The following SLIT2 variants were observed in gnomAD, a reference collection of about 807,000 sequenced individuals.
SLIT2 encodes the protein slit homolog 2 protein.
A neutral mutation model predicts 185.7 loss-of-function variants in SLIT2; 41 were observed. The ratio of observed to expected loss-of-function variants is 0.22; its 90% CI spans 0.17 to 0.29. SLIT2 has a LOEUF of 0.29. Among genes scored for constraint, SLIT2 ranks in the 10% least tolerant of loss-of-function variants. The pLI is 1.00. For synonymous variants in SLIT2, 693 were observed against 680.2 expected (o/e 1.02, Z -0.29); for missense variants, 1,571 against 1,909.0 (o/e 0.82, Z 3.30).
At chr4:20,459,863 A>ATT (rs200920585) in intron 4 of SLIT2, among the ~76,000 whole-genome samples, 21,021 of 138,806 alleles carry the variant, frequency 0.15, 1,852 homozygotes, top group African/African-American at 0.23. Flanking sequence ...CATGTTTGGA[A>ATT]TTTTTTTTTT....
intron 9 of SLIT2, among the ~76,000 whole-genome samples, chr4:20,509,070 A>G (rs1319758454): frequency 1.3e-5 from 2 of 151,912 alleles, no homozygotes; most frequent in African/African-American, 4.8e-5. Flanking sequence ...CCAACGTTCA[A>G]TAAAAATGAA....
At chr4:20,533,460 G>C in intron 17 of SLIT2, 112 bp from the exon 18 acceptor site, 1 of 721,392 alleles carries the variant, frequency 1.4e-6, no homozygotes, top group Non-Finnish European at 2.4e-6. Flanking sequence ...GGCAGTGCTG[G>C]GCAGTGAAAA....
rs184287662 is a variant in SLIT2 at position 20,310,735 on chromosome 4, T to C, written c.395+41854T>C. Among the ~76,000 whole-genome samples the C allele has an allele frequency of 2.7e-4, 41 of 152,300 alleles. 1 individual carries two copies. In the East Asian group the frequency reaches 3.1e-3, roughly 11 times the overall value. Reference sequence around the variant, plus strand: ...AGCTCTTTCATATTATTTGGTCTCATTCTGTAACTGAATTTCAAGTAAGTT... The same window carrying C: ...AGCTCTTTCATATTATTTGGTCTCACTCTGTAACTGAATTTCAAGTAAGTT... On this transcript the variant is annotated intron_variant, in intron 4 of 36. Transcript: ENST00000504154.
In SLIT2 at chr4:20,254,140, G is replaced by A. The variant is rs929808828; in HGVS notation, c.179+146G>A. 7.3e-6 allele frequency: 6 copies of A among 820,024 alleles called. No individual in the cohort carries two copies. The highest frequency in any genetic ancestry group is 1.7e-5 in the South Asian group (1 of 57,588). 50.8% of individuals were successfully genotyped at this position (820,024 alleles called of 1,614,324 possible). The stretch of plus-strand genomic sequence containing the variant: ...TGCACATCCTGGGGTTGAGCTCTCC[G>A]GGAGGGCACTGGCCAGGGAAGGGCC... On this transcript the variant is annotated intron_variant, in intron 1 of 36. Transcript: ENST00000504154. This position sits in a 1 kb window ranked among gnomAD's most constrained non-coding sequence, Gnocchi z 5.1.
rs140247561 is a variant in SLIT2, at chr4:20,589,372, A to C, written c.3089-272A>C. 3.4e-3 allele frequency among the ~76,000 whole-genome samples: 514 copies of C among 152,358 alleles called. 3 individuals carry two copies. The highest frequency in any genetic ancestry group is 0.012 in the African/African-American group (487 of 41,582). On this transcript the variant is annotated intron_variant, in intron 29 of 36. Transcript: ENST00000504154. ...AAAGCATTCAGATTTCCTTTTCCTA[A>C]TTCCCATAGTATATTCTGAGGGTGC... is the stretch of plus-strand genomic sequence containing the variant.
At chr4:20,338,807 G>A (rs1319544987) in intron 4 of SLIT2, among the ~76,000 whole-genome samples, 1 of 151,968 alleles carries the variant, frequency 6.6e-6, no homozygotes, top group Non-Finnish European at 1.5e-5. Flanking sequence ...CATTACTGTG[G>A]GCTGGGCAGA....
intron 18 of SLIT2, among the ~76,000 whole-genome samples, chr4:20,534,002 G>A (rs546206643): frequency 2.0e-5 from 3 of 151,954 alleles, no homozygotes; most frequent in African/African-American, 4.8e-5. Context: ...TCCTGCCTTC[G>A]ATGTGTTCAT....
At chr4:20,339,107 A>G (rs1720751237) in intron 4 of SLIT2, among the ~76,000 whole-genome samples, 1 of 151,600 alleles carries the variant, frequency 6.6e-6, no homozygotes, top group Non-Finnish European at 1.5e-5. Flanking sequence ...AAAAAAAAAA[A>G]AAAAAGAAAG....
At chr4:20,473,248 T>C (rs1279288810) in intron 5 of SLIT2, among the ~76,000 whole-genome samples, 1 of 141,434 alleles carries the variant, frequency 7.1e-6, no homozygotes, top group Non-Finnish European at 1.6e-5. Context: ...ATTAACCCTA[T>C]GTCTGTCATG....
intron 4 of SLIT2, among the ~76,000 whole-genome samples, chr4:20,358,299 G>A (rs571399773): frequency 5.3e-5 from 8 of 152,216 alleles, no homozygotes; most frequent in Admixed American, 2.6e-4. Context: ...CATATTGGGA[G>A]CAAAGCAAAA....
chr4:20,298,516 G>A (rs1044035092), intron 4 of SLIT2, among the ~76,000 whole-genome samples: 3 of 152,200 alleles, frequency 2.0e-5, no homozygotes, highest in Non-Finnish European at 2.9e-5. Flanking sequence ...TTGTGGACCT[G>A]TGGGAACAGC....
chr4:20,289,184 C>A (rs1243269521), intron 4 of SLIT2, among the ~76,000 whole-genome samples: 2 of 152,112 alleles, frequency 1.3e-5, no homozygotes, highest in African/African-American at 4.8e-5. Flanking sequence ...CTGATTTTTG[C>A]CACAGGAATT....
chr4:20,340,141 G>T (rs1188207570), intron 4 of SLIT2, among the ~76,000 whole-genome samples: 1 of 151,902 alleles, frequency 6.6e-6, no homozygotes, highest in Non-Finnish European at 1.5e-5. Flanking sequence ...TATTTTTATG[G>T]GGAACATGAG....
At chr4:20,579,314 A>AT in intron 29 of SLIT2, among the ~76,000 whole-genome samples, 1 of 152,120 alleles carries the variant, frequency 6.6e-6, no homozygotes, top group East Asian at 1.9e-4. Flanking sequence ...AAAAAAAAAA[A>AT]ATAGCCCAGC....
chr4:20,461,136 G>C (rs1181678812), intron 4 of SLIT2, among the ~76,000 whole-genome samples: 1 of 152,180 alleles, frequency 6.6e-6, no homozygotes, highest in African/African-American at 2.4e-5. Context: ...GAGTTGGTCT[G>C]CGTCTTGAAC....
intron 4 of SLIT2, among the ~76,000 whole-genome samples, chr4:20,442,648 G>A (rs1440246532): frequency 6.6e-6 from 1 of 152,066 alleles, no homozygotes; most frequent in Non-Finnish European, 1.5e-5. Context: ...GCATAGGAAT[G>A]TCGTGATGTT....
At chr4:20,355,422 AC>A (rs747899554) in intron 4 of SLIT2, among the ~76,000 whole-genome samples, 3 of 152,192 alleles carry the variant, frequency 2.0e-5, no homozygotes, top group African/African-American at 4.8e-5. Flanking sequence ...GAGAAAAAAA[AC>A]ATGTTTAATT....
At chr4:20,427,670 CTT>C (rs909558402) in intron 4 of SLIT2, among the ~76,000 whole-genome samples, 73 of 126,650 alleles carry the variant, frequency 5.8e-4, no homozygotes, top group African/African-American at 8.7e-4. Flanking sequence ...AATTTGCATT[CTT>C]TTTTTTTTTT....
intron 4 of SLIT2, among the ~76,000 whole-genome samples, chr4:20,275,788 A>C (rs1209342108): frequency 1.3e-5 from 2 of 152,204 alleles, no homozygotes; most frequent in Admixed American, 1.3e-4. Flanking sequence ...AATTACAGAT[A>C]GAAACAAAAA....
Sources: gnomAD v4.1 joint callset for allele counts (sites outside exome capture counted in the v4.1 genomes callset) on GRCh38, gnomAD v4.1.1 for gene constraint, Gnocchi (gnomAD v3.1) non-coding constraint, MANE v1.5 for transcripts, NCBI Gene and HGNC (gene_info 2026-07-23, HGNC 2026-07-21) for gene names.